Variants in TENM2 observed in about 807,000 individuals in gnomAD.
The protein encoded by TENM2 is teneurin transmembrane protein 2, also known as teneurin-2.
In TENM2, 52 loss-of-function variants were observed where a neutral mutation model predicts 245.2. That is an observed-to-expected ratio of 0.21 (90% CI 0.17 to 0.27). TENM2 has a LOEUF of 0.27. Among genes scored for constraint, TENM2 ranks in the 10% least tolerant of loss-of-function variants. The probability of loss-of-function intolerance (pLI) is 1.00; values close to 1 mark genes in which losing one functional copy is unlikely to be tolerated. For missense variants in TENM2, 3,046 were observed against 3,666.8 expected (o/e 0.83, Z 4.37); for synonymous variants, 1,363 against 1,438.9 (o/e 0.95, Z 1.19).
At chr5:168,107,485 C>T (rs1039285969) in intron 9 of TENM2, among the ~76,000 whole-genome samples, 9 of 152,122 alleles carry the variant, frequency 5.9e-5, no homozygotes, top group African/African-American at 2.2e-4. Flanking sequence ...CAGGTTTCTC[C>T]CCCATGCCAG....
chr5:168,233,685 T>C (rs1167955039), intron 25 of TENM2, among the ~76,000 whole-genome samples: 1 of 152,156 alleles, frequency 6.6e-6, no homozygotes, highest in African/African-American at 2.4e-5. Context: ...AATGGTGTAC[T>C]AGTCTGTTTT....
chr5:166,987,445 G>GTGTT, the TENM2 span, among the ~76,000 whole-genome samples: 1 of 151,822 alleles, frequency 6.6e-6, no homozygotes, highest in African/African-American at 2.4e-5. Flanking sequence ...GTGTGTGTGT[G>GTGTT]TGTGTGTTTA....
At chr5:168,060,662 C>G (rs115552149) in intron 6 of TENM2, among the ~76,000 whole-genome samples, 1 of 152,080 alleles carries the variant, frequency 6.6e-6, no homozygotes, top group Admixed American at 6.5e-5. Context: ...CTGCTGGCTT[C>G]GTATTGAGCT....
intron 2 of TENM2, among the ~76,000 whole-genome samples, chr5:167,383,728 T>TAAAAAAAAAAAAAAAAAAAAAAAAAAAAA (rs10549785): frequency 9.1e-6 from 1 of 110,416 alleles, no homozygotes; most frequent in Non-Finnish European, 1.9e-5. Flanking sequence ...TGGTGCAGGA[T>TAAAAAAAAAAAAAAAAAAAAAAAAAAAAA]AAAAAAAAAA....
intron 2 of TENM2, among the ~76,000 whole-genome samples, chr5:167,528,473 C>A (rs1350754387): frequency 6.6e-6 from 1 of 152,076 alleles, no homozygotes; most frequent in African/African-American, 2.4e-5. Context: ...GTAATTTCAT[C>A]TTTAAACTTG....
At chr5:167,799,985 C>T (rs1765589816) in intron 2 of TENM2, among the ~76,000 whole-genome samples, 1 of 152,204 alleles carries the variant, frequency 6.6e-6, no homozygotes, top group African/African-American at 2.4e-5. Context: ...TGTCATAGCT[C>T]AGCATCCCCA....
At chr5:167,160,295 G>A in the TENM2 span, among the ~76,000 whole-genome samples, 1 of 152,220 alleles carries the variant, frequency 6.6e-6, no homozygotes, top group South Asian at 2.1e-4. Context: ...TCCTTTGCGT[G>A]GATTCTGGTC....
chr5:167,752,261 ATTTTT>A (rs575290973), intron 2 of TENM2, among the ~76,000 whole-genome samples: 8 of 123,354 alleles, frequency 6.5e-5, no homozygotes, highest in South Asian at 2.6e-4. Context: ...TGCCCAGCTA[ATTTTT>A]TTTTTTTTTT....
the TENM2 span, among the ~76,000 whole-genome samples, chr5:166,979,231 CAG>C: frequency 1.3e-4 from 19 of 151,898 alleles, no homozygotes; most frequent in Non-Finnish European, 2.5e-4. Context: ...GCAGCAGCAG[CAG>C]CAGCCGCCGC....
At chr5:167,600,349 T>C (rs182559923) in intron 2 of TENM2, among the ~76,000 whole-genome samples, 37 of 152,188 alleles carry the variant, frequency 2.4e-4, no homozygotes, top group Admixed American at 2.2e-3. Context: ...AGAAAGCATT[T>C]AGTGTGATGT....
At chr5:167,107,638 T>C in the TENM2 span, among the ~76,000 whole-genome samples, 3 of 152,018 alleles carry the variant, frequency 2.0e-5, no homozygotes, top group Admixed American at 1.3e-4. Flanking sequence ...TTTTGGAAAA[T>C]GTGTCTGGTT....
At position 167,974,024 on chromosome 5, in the gene TENM2, GAA is replaced by G. The variant is rs1562000902; in HGVS notation, c.948-18919_948-18918del. Among the ~76,000 whole-genome samples, 282 of 74,306 alleles carry G rather than the reference GAA, an allele frequency of 3.8e-3. 35 individuals carry two copies. The highest frequency in any genetic ancestry group is 0.02 in the African/African-American group (226 of 11,168). 48.7% of individuals were successfully genotyped at this position (74,306 alleles called of 152,430 possible). A position where few individuals can be genotyped will look rare whatever the true frequency, so the allele number is the denominator to read the frequency against. On this transcript the variant is annotated intron_variant, in intron 4 of 28. Transcript: ENST00000518659. ...GAAAGGGAGGGAGGGAGGGAGGGAG[GAA>G]GGAAGGAAGGAGAAGGAAGGAAGGG... is the stretch of plus-strand genomic sequence containing the variant.
intron 2 of TENM2, among the ~76,000 whole-genome samples, chr5:167,501,526 C>T (rs1343299146): frequency 6.6e-6 from 1 of 152,184 alleles, no homozygotes; most frequent in Non-Finnish European, 1.5e-5. Flanking sequence ...CAATCTACAT[C>T]TTATTAGTGA....
At chr5:167,680,318 A>G (rs1756618928) in intron 2 of TENM2, among the ~76,000 whole-genome samples, 1 of 152,080 alleles carries the variant, frequency 6.6e-6, no homozygotes, top group Non-Finnish European at 1.5e-5. Flanking sequence ...AGTTAAAAAA[A>G]AAAAAATCCC....
chr5:168,243,859 T>C (rs1200670567), intron 25 of TENM2, among the ~76,000 whole-genome samples: 1 of 151,964 alleles, frequency 6.6e-6, no homozygotes, highest in African/African-American at 2.4e-5. Flanking sequence ...AGGTCAATCA[T>C]CTCTGTCCAT....
intron 1 of TENM2, among the ~76,000 whole-genome samples, chr5:167,352,369 G>A (rs1326223214): frequency 6.6e-6 from 1 of 152,138 alleles, no homozygotes; most frequent in Non-Finnish European, 1.5e-5. Flanking sequence ...AAAATTGCGT[G>A]ACCTTGTTGA....
At chr5:167,646,411 T>C (rs1277686724) in intron 2 of TENM2, among the ~76,000 whole-genome samples, 2 of 151,716 alleles carry the variant, frequency 1.3e-5, no homozygotes, top group African/African-American at 4.8e-5. Context: ...TTATGAAAGA[T>C]GTTATTAAAT....
chr5:167,161,544 A>T, the TENM2 span, among the ~76,000 whole-genome samples: 1 of 152,236 alleles, frequency 6.6e-6, no homozygotes, highest in Non-Finnish European at 1.5e-5. Context: ...TATATTTTTT[A>T]AAGTAACAGA....
chr5:167,236,254 T>G, the TENM2 span, among the ~76,000 whole-genome samples: 1 of 152,174 alleles, frequency 6.6e-6, no homozygotes, highest in African/African-American at 2.4e-5. Context: ...ATGCCTAATA[T>G]ATAGGACTCA....
Sources: gnomAD v4.1 joint callset for allele counts (sites outside exome capture counted in the v4.1 genomes callset) on GRCh38, gnomAD v4.1.1 for gene constraint, MANE v1.5 for transcripts, NCBI Gene and HGNC (gene_info 2026-07-23, HGNC 2026-07-21) for gene names.